The following CDK14 variants were observed in gnomAD, a reference collection of about 807,000 sequenced individuals.
The protein encoded by CDK14 is cyclin dependent kinase 14.
CDK14 carries 34 observed loss-of-function variants against 60.7 expected under a neutral mutation model. That is an observed-to-expected ratio of 0.56 (90% CI 0.43 to 0.75). CDK14 has a LOEUF of 0.75. CDK14 is among the 30% of genes least tolerant of loss of function. CDK14 has a pLI of 0.00. For missense variants in CDK14, 482 were observed against 564.1 expected, an observed-to-expected ratio of 0.85 and a Z score of 1.47; for synonymous variants, 197 against 203.7, an observed-to-expected ratio of 0.97 and a Z score of 0.28.
intron 14 of CDK14, among the ~76,000 whole-genome samples, chr7:91,193,106 A>G (rs901164330): frequency 1.3e-5 from 2 of 152,204 alleles, no homozygotes; most frequent in Non-Finnish European, 2.9e-5. Flanking sequence ...GTTCAAAAGG[A>G]ATTTCCTTCA....
intron 2 of CDK14, among the ~76,000 whole-genome samples, chr7:90,711,730 C>G (rs1802067003): frequency 6.6e-6 from 1 of 152,040 alleles, no homozygotes; most frequent in Non-Finnish European, 1.5e-5. Flanking sequence ...GAATACGCCC[C>G]ATTATACTTT....
chr7:91,067,172 T>A (rs2116158006), intron 11 of CDK14, among the ~76,000 whole-genome samples: 1 of 152,364 alleles, frequency 6.6e-6, no homozygotes, highest in East Asian at 1.9e-4. Context: ...GGGGCACCAA[T>A]TTTAACACCT....
intron 7 of CDK14, among the ~76,000 whole-genome samples, chr7:90,916,651 A>G (rs1036245049): frequency 1.3e-5 from 2 of 152,206 alleles, no homozygotes; most frequent in East Asian, 3.9e-4. Context: ...AACTGGTTAT[A>G]TAGACTAGAA....
At chr7:90,940,353 C>T (rs892964353) in intron 8 of CDK14, among the ~76,000 whole-genome samples, 4 of 152,098 alleles carry the variant, frequency 2.6e-5, no homozygotes, top group African/African-American at 7.2e-5. Context: ...TAGTACATAG[C>T]GATTTATTGG....
chr7:90,896,843 A>G (rs1792352689), intron 6 of CDK14, among the ~76,000 whole-genome samples: 1 of 152,198 alleles, frequency 6.6e-6, no homozygotes, highest in African/African-American at 2.4e-5. Flanking sequence ...GTTTTGAGGA[A>G]AGGATGTAAT....
At chr7:90,923,110 T>C (rs1226687860) in intron 8 of CDK14, among the ~76,000 whole-genome samples, 1 of 148,370 alleles carries the variant, frequency 6.7e-6, no homozygotes, top group Non-Finnish European at 1.5e-5. Context: ...TAAACATCTT[T>C]TTTTTTTTTT....
At chr7:91,118,262 T>C in intron 14 of CDK14, 54 bp downstream of exon 14, 2 of 808,580 alleles carry the variant, frequency 2.5e-6, no homozygotes, top group Non-Finnish European at 4.0e-6. Flanking sequence ...TTGAACGGAT[T>C]CTTTAAGTGA....
At chr7:90,884,464 G>A (rs947473689) in intron 6 of CDK14, among the ~76,000 whole-genome samples, 2 of 152,184 alleles carry the variant, frequency 1.3e-5, no homozygotes, top group Non-Finnish European at 2.9e-5. Context: ...AACATTCCAT[G>A]CTCAAGGATA....
chr7:91,078,891 C>CA (rs2116219021), intron 11 of CDK14, among the ~76,000 whole-genome samples: 1 of 152,224 alleles, frequency 6.6e-6, no homozygotes, highest in East Asian at 1.9e-4. Context: ...CTTGGTAAAA[C>CA]AAACATGTTC....
At chr7:91,150,337 TAACC>T (rs1274289835) in intron 14 of CDK14, among the ~76,000 whole-genome samples, 2 of 152,240 alleles carry the variant, frequency 1.3e-5, no homozygotes, top group African/African-American at 2.4e-5. Flanking sequence ...TAAAATAGAT[TAACC>T]AATTAATTAT....
At chr7:90,599,147 T>C (rs1006372627) in intron 1 of CDK14, among the ~76,000 whole-genome samples, 1 of 152,252 alleles carries the variant, frequency 6.6e-6, no homozygotes, top group African/African-American at 2.4e-5. Context: ...TCTCAACTTC[T>C]CTGAGCTTCA....
intron 7 of CDK14, among the ~76,000 whole-genome samples, chr7:90,901,582 G>A (rs1487059284): frequency 1.3e-5 from 2 of 152,004 alleles, no homozygotes; most frequent in Non-Finnish European, 2.9e-5. Flanking sequence ...CAGTCTCAGT[G>A]CTTGGCATAT....
At chr7:90,958,206 G>A (rs1298166505) in intron 9 of CDK14, among the ~76,000 whole-genome samples, 1 of 152,046 alleles carries the variant, frequency 6.6e-6, no homozygotes, top group African/African-American at 2.4e-5. Flanking sequence ...ATGATCTAGG[G>A]CACAGTGCAG....
At chr7:90,747,018 G>A (rs1803620618) in intron 3 of CDK14, among the ~76,000 whole-genome samples, 1 of 152,154 alleles carries the variant, frequency 6.6e-6, no homozygotes. Flanking sequence ...TCAGCCATAT[G>A]ATCTGTATTG....
intron 2 of CDK14, chr7:90,692,527 C>A: frequency 1.2e-5 from 2 of 160,406 alleles, no homozygotes; most frequent in Non-Finnish European, 2.6e-5. Context: ...ACACCGATAT[C>A]CCTTAAGAGC....
chr7:90,735,207 C>A (rs188754816), intron 3 of CDK14, among the ~76,000 whole-genome samples: 1 of 152,272 alleles, frequency 6.6e-6, no homozygotes, highest in Non-Finnish European at 1.5e-5. Flanking sequence ...GGTCACCCAC[C>A]AGATGCCAGC....
chr7:91,176,123 T>G (rs1801742545), intron 14 of CDK14, among the ~76,000 whole-genome samples: 1 of 151,458 alleles, frequency 6.6e-6, no homozygotes, highest in Non-Finnish European at 1.5e-5. Context: ...CAGACCACAG[T>G]GCAATCAAAC....
rs1435995887 is a variant in CDK14 at position 90,924,934 on chromosome 7, C to CT, written c.826+7216dup. Among the ~76,000 whole-genome samples the CT allele has an allele frequency of 2.6e-5, 4 of 152,040 alleles. No homozygotes were observed. In the East Asian group the frequency reaches 5.8e-4, roughly 22 times the overall value. On this transcript the variant is annotated intron_variant, in intron 8 of 14. Transcript: ENST00000380050. Reference sequence around the variant, plus strand: ...AATAGATAAACTTAGGATATTAGGACTTTTTTCATTTTAATGAAAGAAGAA... The same window carrying CT: ...AATAGATAAACTTAGGATATTAGGACTTTTTTTCATTTTAATGAAAGAAGAA...
In CDK14 at chr7:91,137,775, A is replaced by G. The variant is rs117606775; in HGVS notation, c.*28+19567A>G. ...AATTATGAAGTATGGAACTGTTTCA[A>G]TTGTGGAGTTTTAGAGTAAGAGTCT... On this transcript the variant is annotated intron_variant, in intron 14 of 14. Transcript: ENST00000380050. 7.1e-4 allele frequency among the ~76,000 whole-genome samples: 108 copies of G among 151,982 alleles called. 1 individual carries two copies. The East Asian group carries it at 0.019, about 26-fold the overall frequency.
Sources: gnomAD v4.1 joint callset for allele counts (sites outside exome capture counted in the v4.1 genomes callset) on GRCh38, gnomAD v4.1.1 for gene constraint, MANE v1.5 for transcripts, NCBI Gene and HGNC (gene_info 2026-07-23, HGNC 2026-07-21) for gene names.